The following ANTXR1 variants were observed in gnomAD, a reference collection of about 807,000 sequenced individuals.
ANTXR1 encodes the protein ANTXR cell adhesion molecule 1.
Under a neutral mutation model 78.1 loss-of-function variants are expected in ANTXR1, and 19 were observed. The ratio of observed to expected loss-of-function variants is 0.24; its 90% CI spans 0.17 to 0.36. The LOEUF (loss-of-function observed/expected upper bound fraction) is 0.36. Among genes scored for constraint, ANTXR1 ranks in the 10% least tolerant of loss-of-function variants. The pLI is 1.00. For missense variants in ANTXR1, 518 were observed against 718.6 expected (o/e 0.72, Z 3.19); for synonymous variants, 273 against 260.5 (o/e 1.05, Z -0.46).
intron 17 of ANTXR1, among the ~76,000 whole-genome samples, chr2:69,210,935 CA>C (rs1159790329): frequency 0.042 from 1,838 of 43,472 alleles, 20 homozygotes; most frequent in East Asian, 0.21. Context: ...GACTCCATCA[CA>C]AAAAAAAAAA....
rs1032114559 is a variant in ANTXR1 at position 69,021,635 on chromosome 2, G to C, written c.152+7984G>C. On this transcript the variant is annotated intron_variant, in intron 1 of 17. Transcript: ENST00000303714. ...CCTTCTCCTCACAGCCTGTTGGTCAGAACTGGTCAGATAGCCTCACTTTAT... is the reference window on the plus strand; with the variant it reads ...CCTTCTCCTCACAGCCTGTTGGTCACAACTGGTCAGATAGCCTCACTTTAT... Among the ~76,000 whole-genome samples the C allele has an allele frequency of 2.6e-5, 4 of 152,206 alleles. No individual in the cohort carries two copies. In the South Asian group the frequency reaches 8.3e-4, roughly 31 times the overall value.
Position 69,145,720 on chromosome 2 carries a change from T to A in ANTXR1, c.952-6449T>A, listed in dbSNP as rs180748003. Reference sequence around the variant, plus strand: ...TGAACTTCCCCCAGGCTCCCACTAATTCCTCTCCATTCTATCCTCCTCCCT... The same window carrying A: ...TGAACTTCCCCCAGGCTCCCACTAAATCCTCTCCATTCTATCCTCCTCCCT... On this transcript the variant is annotated intron_variant, in intron 12 of 17. Transcript: ENST00000303714. 3,563 of 1,069,866 alleles carry A rather than the reference T, an allele frequency of 3.3e-3. 5 individuals carry two copies. Among genetic ancestry groups the A allele is most frequent in the Non-Finnish European group, 3.8e-3 (3,339 of 882,170 alleles). The allele number at this position is 1,069,866 out of a possible 1,614,324, so 66.3% of individuals were successfully genotyped here.
Position 69,016,136 on chromosome 2 carries a change from C to T in ANTXR1, c.152+2485C>T, listed in dbSNP as rs564379979. Among the ~76,000 whole-genome samples, 4 of 152,260 alleles carry T rather than the reference C, an allele frequency of 2.6e-5. No homozygotes were observed. The East Asian group carries it at 5.8e-4, about 22-fold the overall frequency. The stretch of plus-strand genomic sequence containing the variant: ...CGCTGTCCAGTAGAACTTTCTAGGT[C>T]GGTAGAAAAGTTCTATATCTGTGCA... On this transcript the variant is annotated intron_variant, in intron 1 of 17. Coordinates refer to ENST00000303714, the MANE Select transcript of ANTXR1 (RefSeq NM_032208.3).
intron 10 of ANTXR1, among the ~76,000 whole-genome samples, chr2:69,112,104 C>T (rs1435610701): frequency 6.6e-6 from 1 of 152,162 alleles, no homozygotes; most frequent in Non-Finnish European, 1.5e-5. Context: ...AAGGAGCGTA[C>T]AGTCTCATGT....
At chr2:69,110,025 AAAT>A (rs1671929742) in intron 10 of ANTXR1, among the ~76,000 whole-genome samples, 1 of 152,240 alleles carries the variant, frequency 6.6e-6, no homozygotes, top group African/African-American at 2.4e-5. Context: ...ATTTTTAAGA[AAAT>A]AATGATTAAT....
At chr2:69,028,299 G>T (rs573619608) in intron 1 of ANTXR1, among the ~76,000 whole-genome samples, 187 of 152,180 alleles carry the variant, frequency 1.2e-3, no homozygotes, top group Non-Finnish European at 2.3e-3. Flanking sequence ...AACATTTCCT[G>T]GTGACAATCT....
At chr2:69,068,213 T>C (rs545442959) in intron 3 of ANTXR1, among the ~76,000 whole-genome samples, 1 of 152,190 alleles carries the variant, frequency 6.6e-6, no homozygotes, top group South Asian at 2.1e-4. Context: ...GAAGATATAA[T>C]GGGGACCAAA....
chr2:69,083,794 A>G (rs1019952612), intron 8 of ANTXR1, among the ~76,000 whole-genome samples: 2 of 152,174 alleles, frequency 1.3e-5, no homozygotes, highest in African/African-American at 2.4e-5. Flanking sequence ...TCTGTAAAAC[A>G]TGGCATTCTG....
chr2:69,130,461 C>T (rs184155116), intron 12 of ANTXR1, among the ~76,000 whole-genome samples: 38 of 152,162 alleles, frequency 2.5e-4, no homozygotes, highest in South Asian at 8.3e-4. Flanking sequence ...AACATCAAAG[C>T]GAAAACAACT....
intron 10 of ANTXR1, among the ~76,000 whole-genome samples, chr2:69,122,772 G>A (rs568503059): frequency 5.7e-4 from 87 of 152,094 alleles, no homozygotes; most frequent in South Asian, 1.5e-3. Context: ...AGTCCCCGGT[G>A]TGTGATGTTC....
intron 9 of ANTXR1, among the ~76,000 whole-genome samples, chr2:69,101,632 G>A (rs1573878513): frequency 6.6e-6 from 1 of 152,310 alleles, no homozygotes; most frequent in East Asian, 1.9e-4. Context: ...ATATACTCAT[G>A]ACATTTATTA....
Position 69,155,643 on chromosome 2 carries a change from G to A in ANTXR1, c.1047+3379G>A, listed in dbSNP as rs188658847. On this transcript the variant is annotated intron_variant, in intron 13 of 17. Transcript: ENST00000303714. Reference sequence around the variant, plus strand: ...AATGTATTAGACGAGTAAATGTTATGAATGGCTTGAATGTGTAGGGGGGAA... The same window carrying A: ...AATGTATTAGACGAGTAAATGTTATAAATGGCTTGAATGTGTAGGGGGGAA... Among the ~76,000 whole-genome samples the A allele has an allele frequency of 8.5e-5, 13 of 152,268 alleles. No homozygotes were observed. The East Asian group carries it at 2.5e-3, about 29-fold the overall frequency.
chr2:69,085,194 T>G (rs558064049), intron 8 of ANTXR1, among the ~76,000 whole-genome samples: 1 of 152,274 alleles, frequency 6.6e-6, no homozygotes, highest in East Asian at 1.9e-4. Flanking sequence ...CTTTCTGCCA[T>G]CAGCTGTAAT....
chr2:69,068,360 A>G (rs1670465379), intron 3 of ANTXR1, among the ~76,000 whole-genome samples: 1 of 152,240 alleles, frequency 6.6e-6, no homozygotes, highest in South Asian at 2.1e-4. Context: ...TACCAGGAAA[A>G]AGTCTAATAG....
At chr2:69,244,063 C>T (rs1162482379) in intron 17 of ANTXR1, among the ~76,000 whole-genome samples, 1 of 152,198 alleles carries the variant, frequency 6.6e-6, no homozygotes, top group African/African-American at 2.4e-5. Flanking sequence ...CCCTCCGTTG[C>T]AGAGCTGAGT....
chr2:69,167,031 G>A (rs189806835), intron 13 of ANTXR1, among the ~76,000 whole-genome samples: 53 of 152,324 alleles, frequency 3.5e-4, no homozygotes, highest in African/African-American at 1.1e-3. Flanking sequence ...GGAATGTGCA[G>A]GGCTGTGGAC....
At chr2:69,245,106 G>A (rs1675984090) in intron 17 of ANTXR1, 119 bp from the exon 18 acceptor site, 5 of 1,138,398 alleles carry the variant, frequency 4.4e-6, no homozygotes, top group Non-Finnish European at 6.7e-6. Flanking sequence ...TGCCACTAGA[G>A]AGTTGTCACC....
chr2:69,075,817 G>A (rs1047720697), intron 7 of ANTXR1, among the ~76,000 whole-genome samples, 159 bp downstream of exon 7: 11 of 152,314 alleles, frequency 7.2e-5, no homozygotes, highest in South Asian at 2.1e-4. Context: ...GGTTGTGTAA[G>A]GAATATGAAG....
At chr2:69,189,820 A>G (rs991916538) in intron 16 of ANTXR1, among the ~76,000 whole-genome samples, 7 of 152,218 alleles carry the variant, frequency 4.6e-5, no homozygotes, top group African/African-American at 1.7e-4. Context: ...GGGTGTGCAA[A>G]AGGAGGAGCA....
Sources: gnomAD v4.1 joint callset for allele counts (sites outside exome capture counted in the v4.1 genomes callset) on GRCh38, gnomAD v4.1.1 for gene constraint, MANE v1.5 for transcripts, NCBI Gene and HGNC (gene_info 2026-07-23, HGNC 2026-07-21) for gene names.